Variants in CDC42SE2 observed in about 807,000 individuals in gnomAD.
CDC42SE2 encodes CDC42 small effector protein 2.
CDC42SE2 carries 3 observed loss-of-function variants against 11.5 expected under a neutral mutation model. The observed-to-expected ratio is 0.26, with a 90% confidence interval of 0.12 to 0.67. The LOEUF (loss-of-function observed/expected upper bound fraction) is 0.67. Ranked by LOEUF, CDC42SE2 falls within the 30% of genes least tolerant of loss-of-function variation. The pLI is 0.80. For missense variants in CDC42SE2, 82 were observed against 106.8 expected, an observed-to-expected ratio of 0.77 and a Z score of 1.02; for synonymous variants, 33 against 34.8, an observed-to-expected ratio of 0.95 and a Z score of 0.18.
At chr5:131,390,730 A>G (rs1247216552) in intron 4 of CDC42SE2, among the ~76,000 whole-genome samples, 1 of 152,120 alleles carries the variant, frequency 6.6e-6, no homozygotes, top group Non-Finnish European at 1.5e-5. Flanking sequence ...AAATGTTACC[A>G]AGTGCCTTGT....
chr5:131,250,015 T>C (rs1341539827), intron 1 of CDC42SE2, among the ~76,000 whole-genome samples: 1 of 152,198 alleles, frequency 6.6e-6, no homozygotes, highest in Non-Finnish European at 1.5e-5. Context: ...TGGGGCATAA[T>C]GGGTACTAAA....
chr5:131,317,060 T>C (rs1758056789), intron 2 of CDC42SE2, among the ~76,000 whole-genome samples: 1 of 152,244 alleles, frequency 6.6e-6, no homozygotes, highest in African/African-American at 2.4e-5. Context: ...ACTGAATTAC[T>C]TGATAAGTAT....
At position 131,317,624 on chromosome 5, in the gene CDC42SE2, T is replaced by A. The variant is rs370886305; in HGVS notation, c.-286+1480T>A. On this transcript the variant is annotated intron_variant, in intron 2 of 4. Transcript: ENST00000505065. Reference sequence around the variant, plus strand: ...TTTTAAAGCTCTGTGAAACAAATCATTTTTTTTTTTTGACCTGGCTCTAGA... The same window carrying A: ...TTTTAAAGCTCTGTGAAACAAATCAATTTTTTTTTTTGACCTGGCTCTAGA... Among the ~76,000 whole-genome samples, 292 of 145,204 alleles carry A rather than the reference T, an allele frequency of 2.0e-3. 2 individuals carry two copies. The highest frequency in any genetic ancestry group is 6.9e-3 in the African/African-American group (274 of 39,796).
chr5:131,351,662 T>C (rs914137704), intron 2 of CDC42SE2, among the ~76,000 whole-genome samples: 1 of 152,188 alleles, frequency 6.6e-6, no homozygotes, highest in Non-Finnish European at 1.5e-5. Flanking sequence ...AAAATAGCCT[T>C]TATACTGTCA....
At chr5:131,260,578 T>A (rs1756715508), upstream of CDC42SE2, among the ~76,000 whole-genome samples, 1 of 147,252 alleles carries the variant, frequency 6.8e-6, no homozygotes. Context: ...TGAGCCAAGA[T>A]TGCACCACTG....
chr5:131,370,776 A>G (rs1479470564), intron 3 of CDC42SE2, among the ~76,000 whole-genome samples: 4 of 152,188 alleles, frequency 2.6e-5, no homozygotes, highest in Non-Finnish European at 4.4e-5. Context: ...AAAATGGCCA[A>G]AGAGTTGCTT....
intron 2 of CDC42SE2, among the ~76,000 whole-genome samples, chr5:131,358,160 G>T (rs775443263): frequency 1.3e-5 from 2 of 152,178 alleles, no homozygotes; most frequent in Non-Finnish European, 2.9e-5. Flanking sequence ...ATAATCTGAT[G>T]ATTGCAAAAC....
chr5:131,357,061 G>C (rs1749572341), intron 2 of CDC42SE2, among the ~76,000 whole-genome samples: 1 of 152,116 alleles, frequency 6.6e-6, no homozygotes, highest in Admixed American at 6.6e-5. Context: ...TAAGAGGATT[G>C]GATGGAGGAA....
intron 3 of CDC42SE2, among the ~76,000 whole-genome samples, chr5:131,367,222 C>T (rs1404675468): frequency 3.3e-5 from 5 of 151,592 alleles, no homozygotes; most frequent in Admixed American, 2.6e-4. Flanking sequence ...GATATAAGCT[C>T]CTACCCAATA....
At chr5:131,229,152 T>C in the CDC42SE2 span, among the ~76,000 whole-genome samples, 1 of 148,360 alleles carries the variant, frequency 6.7e-6, no homozygotes, top group African/African-American at 2.6e-5. Flanking sequence ...CATAGACTTA[T>C]AATTACCTTA....
chr5:131,234,315 T>C, the CDC42SE2 span, among the ~76,000 whole-genome samples: 4 of 152,100 alleles, frequency 2.6e-5, no homozygotes, highest in South Asian at 4.1e-4. Context: ...ACAGAATCAA[T>C]AGGAGATAGA....
the CDC42SE2 span, among the ~76,000 whole-genome samples, chr5:131,234,931 C>G: frequency 6.6e-6 from 1 of 150,704 alleles, no homozygotes; most frequent in South Asian, 2.1e-4. Context: ...ACTCTGTCGC[C>G]CGGCTATAGT....
At chr5:131,355,448 G>C in intron 2 of CDC42SE2, among the ~76,000 whole-genome samples, 1 of 152,040 alleles carries the variant, frequency 6.6e-6, no homozygotes, top group Middle Eastern at 3.4e-3. Context: ...CTCCACTGCA[G>C]CCTGGGCAAC....
chr5:131,320,288 A>G (rs1758159389), intron 2 of CDC42SE2, among the ~76,000 whole-genome samples: 1 of 151,588 alleles, frequency 6.6e-6, no homozygotes, highest in Non-Finnish European at 1.5e-5. Context: ...GCTACTCAGG[A>G]GGCTGAGGCA....
intron 1 of CDC42SE2, among the ~76,000 whole-genome samples, chr5:131,307,307 A>G (rs1757800293): frequency 1.4e-5 from 2 of 146,444 alleles, no homozygotes; most frequent in African/African-American, 5.1e-5. Context: ...ATGAGTGAGA[A>G]TATGCGGTGT....
At chr5:131,291,051 TAGAG>T (rs1386460894) in intron 1 of CDC42SE2, among the ~76,000 whole-genome samples, 1 of 152,184 alleles carries the variant, frequency 6.6e-6, no homozygotes, top group African/African-American at 2.4e-5. Flanking sequence ...AGAAGCCTTA[TAGAG>T]AAATATTTAT....
intron 2 of CDC42SE2, among the ~76,000 whole-genome samples, chr5:131,323,993 T>G (rs1023275623): frequency 5.9e-5 from 9 of 152,108 alleles, no homozygotes; most frequent in African/African-American, 1.9e-4. Flanking sequence ...TCAAGAAAAT[T>G]TTAGGGGTGT....
intron 3 of CDC42SE2, among the ~76,000 whole-genome samples, chr5:131,366,747 G>C (rs1749868190): frequency 6.6e-6 from 1 of 152,126 alleles, no homozygotes; most frequent in African/African-American, 2.4e-5. Flanking sequence ...AAACAGGCCA[G>C]GTGCAGTGAC....
chr5:131,379,875 G>A (rs947812858), intron 3 of CDC42SE2, among the ~76,000 whole-genome samples: 5 of 152,106 alleles, frequency 3.3e-5, no homozygotes, highest in African/African-American at 1.2e-4. Flanking sequence ...TTTCTTTGCG[G>A]AGGTCTGACT....
Sources: gnomAD v4.1 joint callset for allele counts (sites outside exome capture counted in the v4.1 genomes callset) on GRCh38, gnomAD v4.1.1 for gene constraint, MANE v1.5 for transcripts, NCBI Gene and HGNC (gene_info 2026-07-23, HGNC 2026-07-21) for gene names.